PLSCR5: variants seen among roughly 807,000 people sequenced by gnomAD.
The protein encoded by PLSCR5 is phospholipid scramblase family, member 5.
A neutral mutation model predicts 33.6 loss-of-function variants in PLSCR5; 44 were observed. The observed-to-expected ratio is 1.31, with a 90% CI of 1.03 to 1.69. The LOEUF (loss-of-function observed/expected upper bound fraction) is 1.69. PLSCR5 is among the 40% of genes most tolerant of loss of function. PLSCR5 has a pLI of 0.00. For missense variants in PLSCR5, 375 were observed against 318.7 expected (o/e 1.18, Z -1.34); for synonymous variants, 148 against 112.3 (o/e 1.32, Z -2.01).
rs766233705 is a variant in PLSCR5, at chr3:146,593,980, G to A, written c.393C>T (p.Val131=). The A allele has an allele frequency of 6.2e-7, 1 of 1,613,806 alleles. No homozygotes were observed. Among genetic ancestry groups the A allele is most frequent in the South Asian group, 1.1e-5 (1 of 91,068 alleles). ...ATCTCAAGGGCCTGTTCACTGTAAT[G>A]ACCTCTCGACCTGAGTTATCTGTGA... ...LRITDNSGRE[V]ITVNRPLRCN... is the part of the protein sequence containing the mutation. Residue 131 remains valine (V), a synonymous_variant, in exon 4 of 8, where the codon GTC becomes GTT. Transcript: ENST00000443512.
At chr3:146,599,876 C>T (rs866120972) in intron 2 of PLSCR5, among the ~76,000 whole-genome samples, 3 of 151,862 alleles carry the variant, frequency 2.0e-5, no homozygotes, top group Non-Finnish European at 2.9e-5. Flanking sequence ...TATCATGTTG[C>T]GCAGCCTGGT....
At chr3:146,601,640 T>C (rs2044816609) in intron 1 of PLSCR5, among the ~76,000 whole-genome samples, 1 of 152,170 alleles carries the variant, frequency 6.6e-6, no homozygotes, top group Non-Finnish European at 1.5e-5. Context: ...TACACAAAGA[T>C]TTGAATAAGT....
chr3:146,600,119 A>G (rs758570958), intron 2 of PLSCR5, among the ~76,000 whole-genome samples, 169 bp downstream of exon 2: 4 of 152,208 alleles, frequency 2.6e-5, no homozygotes, highest in Admixed American at 6.5e-5. Context: ...TTTTAAAAAT[A>G]GTAGAAATAA....
At chr3:146,593,787 TA>T in intron 4 of PLSCR5, 132 bp downstream of exon 4, 1 of 836,238 alleles carries the variant, frequency 1.2e-6, no homozygotes, top group Non-Finnish European at 1.9e-6. Context: ...GATCTGATCC[TA>T]AAGGAGCAAC....
chr3:146,603,561 T>A lies in PLSCR5; in HGVS notation c.13+1639A>T, dbSNP rs955100040. Among the ~76,000 whole-genome samples the A allele has an allele frequency of 3.4e-4, 51 of 152,120 alleles. 1 individual carries two copies. Among genetic ancestry groups the A allele is most frequent in the Non-Finnish European group, 2.9e-5 (2 of 68,016 alleles). ...ACATCACTGCTTCCTGTTAGATTAA[T>A]CATATTTTGACATAATATTACTTTC... On this transcript the variant is annotated intron_variant, in intron 1 of 7. Coordinates refer to ENST00000443512, the MANE Select transcript of PLSCR5 (RefSeq NM_001085420.2).
rs182408490 is a variant in PLSCR5 at position 146,593,988 on chromosome 3, G to A, written c.385C>T (p.Arg129Ter). Residue 129 changes from arginine to a stop codon, truncating the protein, a stop_gained, in exon 4 of 8, where the codon CGA becomes TGA. Coordinates refer to ENST00000443512, the MANE Select transcript of PLSCR5 (RefSeq NM_001085420.2). LOFTEE classifies it high-confidence loss of function. ...CTLRITDNSG[R>*]EVITVNRPLR... Reference sequence around the variant, plus strand: ...GGCCTGTTCACTGTAATGACCTCTCGACCTGAGTTATCTGTGATCCTCAGG... The same window carrying A: ...GGCCTGTTCACTGTAATGACCTCTCAACCTGAGTTATCTGTGATCCTCAGG... 7.6e-4 allele frequency: 1,229 copies of A among 1,613,746 alleles called. 12 individuals are homozygous for A. Among genetic ancestry groups the A allele is most frequent in the Middle Eastern group, 6.8e-3 (41 of 6,060 alleles).
At chr3:146,585,196 C>T (rs2044658199), downstream of PLSCR5, among the ~76,000 whole-genome samples, 1 of 152,028 alleles carries the variant, frequency 6.6e-6, no homozygotes, top group South Asian at 2.1e-4. Context: ...GCATTTGACT[C>T]ATGGATTAAG....
intron 2 of PLSCR5, among the ~76,000 whole-genome samples, chr3:146,596,390 C>T (rs2044761410): frequency 6.6e-6 from 1 of 152,102 alleles, no homozygotes; most frequent in Admixed American, 6.6e-5. Context: ...AGGGTTTTGC[C>T]ATGTTGGCCA....
intron 5 of PLSCR5, 47 bp downstream of exon 5, chr3:146,591,673 A>G (rs763024126): frequency 4.5e-6 from 7 of 1,543,960 alleles, no homozygotes; most frequent in Non-Finnish European, 4.4e-6. Context: ...TGTTGCAAAA[A>G]AAAATCAGGA....
At chr3:146,580,454 CTTTTTTTTT>C (rs1170556618) in intron 7 of PLSCR5, among the ~76,000 whole-genome samples, 7 of 60,552 alleles carry the variant, frequency 1.2e-4, no homozygotes, top group Non-Finnish European at 1.8e-4. Flanking sequence ...TTTGAATTTG[CTTTTTTTTT>C]TTTTTTTTTT....
rs2107850795 is a variant in PLSCR5, at chr3:146,589,736, T to G, written c.694A>C (p.Asn232His). 2 of 1,597,674 alleles carry G rather than the reference T, an allele frequency of 1.3e-6. No homozygotes were observed. Among genetic ancestry groups the G allele is most frequent in the Middle Eastern group, 1.7e-4 (1 of 6,012 alleles). ...ACATGAATTCCGAAATTGTCAGCAT[T>G]TGTGAAGACATCATTTACAAATCCT... Reference protein sequence around the residue: ...WSGFVNDVFTNADNFGIHVPA... With the variant: ...WSGFVNDVFTHADNFGIHVPA... The change falls in exon 6 of 8, where the codon AAT (asparagine) becomes CAT (histidine). Residue 232 changes from asparagine (N) to histidine (H), a missense_variant. Physicochemically the swap from Asn to His is moderately conservative, Grantham distance 68 (BLOSUM62 1). Transcript: ENST00000443512.
intron 7 of PLSCR5, among the ~76,000 whole-genome samples, chr3:146,580,184 A>AT (rs1205634427): frequency 6.6e-6 from 1 of 152,172 alleles, no homozygotes; most frequent in African/African-American, 2.4e-5. Flanking sequence ...TGTCATGGCC[A>AT]TACCTTCAGT....
rs1211050769 is a variant in PLSCR5, at chr3:146,589,734, A to G, written c.696T>C (p.Asn232=). The change falls in exon 6 of 8, where the codon AAT becomes AAC. Residue 232 remains asparagine (N), a synonymous_variant. Transcript: ENST00000443512. ...WSGFVNDVFT[N]ADNFGIHVPA... is the part of the protein sequence containing the mutation. ...GAACATGAATTCCGAAATTGTCAGC[A>G]TTTGTGAAGACATCATTTACAAATC... 2 of 1,598,810 alleles carry G rather than the reference A, an allele frequency of 1.3e-6. No individual in the cohort carries two copies. The highest frequency in any genetic ancestry group is 1.7e-4 in the Middle Eastern group (1 of 6,014).
intron 2 of PLSCR5, among the ~76,000 whole-genome samples, chr3:146,595,583 A>G (rs972034617): frequency 6.6e-6 from 1 of 152,174 alleles, no homozygotes; most frequent in Non-Finnish European, 1.5e-5. Flanking sequence ...CCTAGTCCCC[A>G]GAGGGGAGAC....
At chr3:146,595,663 T>G (rs987342132) in intron 2 of PLSCR5, among the ~76,000 whole-genome samples, 3 of 152,176 alleles carry the variant, frequency 2.0e-5, no homozygotes, top group Non-Finnish European at 4.4e-5. Flanking sequence ...CTGTGTTAAC[T>G]CCGCAATAAT....
chr3:146,594,104 A>G lies in PLSCR5; in HGVS notation c.269T>C (p.Ile90Thr), dbSNP rs1235373228. The G allele has an allele frequency of 1.2e-6, 2 of 1,613,750 alleles. No individual in the cohort carries two copies. The highest frequency in any genetic ancestry group is 3.3e-5 in the Admixed American group (2 of 59,992). The change falls in exon 4 of 8, where the codon ATT (isoleucine) becomes ACT (threonine). Residue 90 changes from isoleucine (I) to threonine (T), a missense_variant. Ile to Thr is a moderately conservative substitution (Grantham distance 89). Coordinates refer to ENST00000443512, the MANE Select transcript of PLSCR5 (RefSeq NM_001085420.2). ...LGTETSNKYEIKNSLGQRIYF... is the reference protein window; with the variant it reads ...LGTETSNKYETKNSLGQRIYF... ...AATTCTTTGTCCCAAGCTGTTTTTA[A>G]TCTCATATTTGTTGGAGGTCTCAGT... is the stretch of plus-strand genomic sequence containing the variant.
intron 5 of PLSCR5, 115 bp downstream of exon 5, chr3:146,591,605 T>C (rs1235155593): frequency 1.2e-5 from 14 of 1,158,232 alleles, no homozygotes; most frequent in South Asian, 8.8e-5. Flanking sequence ...ATTACAAATA[T>C]GTCATTTTCT....
intron 1 of PLSCR5, among the ~76,000 whole-genome samples, chr3:146,603,407 G>C (rs2044836658): frequency 1.3e-5 from 2 of 152,220 alleles, no homozygotes; most frequent in African/African-American, 4.8e-5. Flanking sequence ...CTCCTAGGTA[G>C]TATGAAGTCT....
intron 4 of PLSCR5, among the ~76,000 whole-genome samples, chr3:146,592,805 C>A (rs575465970): frequency 6.6e-6 from 1 of 151,898 alleles, no homozygotes. Context: ...TAATTTATGA[C>A]CCTGGACTAC....
Sources: gnomAD v4.1 joint callset for allele counts (sites outside exome capture counted in the v4.1 genomes callset) on GRCh38, gnomAD v4.1.1 for gene constraint, MANE v1.5 for transcripts, NCBI Gene and HGNC (gene_info 2026-07-23, HGNC 2026-07-21) for gene names.